ZFPM2: variants seen among roughly 807,000 people sequenced by gnomAD.
The protein encoded by ZFPM2 is zinc finger protein, FOG family member 2.
In ZFPM2, 20 loss-of-function variants were observed where a neutral mutation model predicts 98.6. The observed-to-expected ratio is 0.20, with a 90% CI of 0.14 to 0.29. ZFPM2 has a LOEUF of 0.29. Ranked by LOEUF, ZFPM2 falls within the 10% of genes least tolerant of loss-of-function variation. ZFPM2 has a pLI of 1.00. For synonymous variants in ZFPM2, 518 were observed against 502.7 expected (o/e 1.03, Z -0.41); for missense variants, 1,310 against 1,388.6 (o/e 0.94, Z 0.90).
At chr8:105,555,228 C>G (rs1379751555) in intron 3 of ZFPM2, among the ~76,000 whole-genome samples, 1 of 152,018 alleles carries the variant, frequency 6.6e-6, no homozygotes, top group African/African-American at 2.4e-5. Flanking sequence ...CTATATGCCT[C>G]AAATATTTTC....
intron 4 of ZFPM2, among the ~76,000 whole-genome samples, chr8:105,613,694 C>T (rs766905524): frequency 2.6e-4 from 40 of 152,236 alleles, no homozygotes; most frequent in Non-Finnish European, 2.6e-4. Context: ...TACCAACACT[C>T]ACTAAGATAA....
At chr8:105,373,901 G>T (rs901500880) in intron 1 of ZFPM2, among the ~76,000 whole-genome samples, 2 of 152,070 alleles carry the variant, frequency 1.3e-5, no homozygotes, top group African/African-American at 4.8e-5. Flanking sequence ...TGCATAAAAG[G>T]TCATCTTTGA....
At chr8:105,570,312 TTTTA>T (rs1221490735) in intron 4 of ZFPM2, among the ~76,000 whole-genome samples, 1 of 149,128 alleles carries the variant, frequency 6.7e-6, no homozygotes, top group African/African-American at 2.5e-5. Context: ...TGATTTTTAT[TTTTA>T]TTTATTTTTT....
At chr8:105,786,272 T>G (rs190223236) in intron 5 of ZFPM2, among the ~76,000 whole-genome samples, 5 of 152,270 alleles carry the variant, frequency 3.3e-5, no homozygotes, top group Admixed American at 3.3e-4. Context: ...CTTGTCTAAC[T>G]TCTCCAAGAA....
chr8:105,751,955 A>G (rs1452155776), intron 5 of ZFPM2, among the ~76,000 whole-genome samples: 3 of 152,152 alleles, frequency 2.0e-5, no homozygotes, highest in East Asian at 3.9e-4. Context: ...AGTCGAATCC[A>G]TATTTCTGAA....
intron 5 of ZFPM2, among the ~76,000 whole-genome samples, chr8:105,758,547 G>A (rs1812661499): frequency 1.3e-5 from 2 of 152,002 alleles, no homozygotes; most frequent in Admixed American, 6.6e-5. Flanking sequence ...ATAATGTTCT[G>A]GATACTTCAA....
chr8:105,670,743 T>A (rs1374089453), intron 5 of ZFPM2, among the ~76,000 whole-genome samples: 2 of 152,190 alleles, frequency 1.3e-5, no homozygotes, highest in African/African-American at 4.8e-5. Context: ...TTTTACTTCT[T>A]GGGCAGTTCA....
intron 2 of ZFPM2, among the ~76,000 whole-genome samples, chr8:105,429,069 A>T (rs1811966973): frequency 6.6e-6 from 1 of 152,174 alleles, no homozygotes; most frequent in South Asian, 2.1e-4. Context: ...GATTATTTTT[A>T]ATGATATAAA....
chr8:105,650,016 T>A (rs1043566643), intron 5 of ZFPM2, among the ~76,000 whole-genome samples: 1 of 152,120 alleles, frequency 6.6e-6, no homozygotes, highest in Non-Finnish European at 1.5e-5. Context: ...GGTCCTGGAC[T>A]TTTTTTGGTT....
chr8:105,803,595 T>A lies in ZFPM2; in HGVS notation c.*57T>A. ...GTGTTTAGTATGTTGTTCTAACCAG[T>A]CCAGAAAAAAAAATAAGCTGTTTGA... On this transcript the variant is annotated 3_prime_UTR_variant, in exon 8 of 8. Coordinates refer to ENST00000407775, the MANE Select transcript of ZFPM2 (RefSeq NM_012082.4). 1.3e-6 allele frequency: 2 copies of A among 1,506,212 alleles called. No homozygotes were observed. The highest frequency in any genetic ancestry group is 1.2e-5 in the South Asian group (1 of 81,366). 93.3% of individuals were successfully genotyped at this position (1,506,212 alleles called of 1,614,324 possible). A position where few individuals can be genotyped will look rare whatever the true frequency, so the allele number is the denominator to read the frequency against.
chr8:105,378,579 A>T (rs914847831), intron 1 of ZFPM2, among the ~76,000 whole-genome samples: 6 of 152,160 alleles, frequency 3.9e-5, no homozygotes. Flanking sequence ...CTCGGTAAAT[A>T]TTTATTTTGT....
At chr8:105,429,445 A>AATATATATATATATATATATATAT (rs142230291) in intron 2 of ZFPM2, among the ~76,000 whole-genome samples, 40 of 138,380 alleles carry the variant, frequency 2.9e-4, no homozygotes, top group African/African-American at 1.2e-3. Flanking sequence ...TAGACAAGGA[A>AATATATATATATATATATATATAT]ATATATATAT....
At chr8:105,644,506 T>C (rs544088838) in intron 5 of ZFPM2, among the ~76,000 whole-genome samples, 1 of 151,816 alleles carries the variant, frequency 6.6e-6, no homozygotes, top group South Asian at 2.1e-4. Context: ...CTCTCTCTCT[T>C]TCTGTTTTTC....
chr8:105,616,012 T>A (rs2130807108), intron 4 of ZFPM2, among the ~76,000 whole-genome samples: 1 of 152,224 alleles, frequency 6.6e-6, no homozygotes, highest in East Asian at 1.9e-4. Flanking sequence ...AATAAGTACT[T>A]AAGATTATGG....
chr8:105,702,069 G>C (rs555762474), intron 5 of ZFPM2, among the ~76,000 whole-genome samples: 141 of 152,298 alleles, frequency 9.3e-4, no homozygotes, highest in African/African-American at 3.3e-3. Context: ...CACAGCTGTA[G>C]TATGAATAAA....
intron 4 of ZFPM2, among the ~76,000 whole-genome samples, chr8:105,572,033 CTTTTTTT>C (rs869198147): frequency 8.7e-5 from 9 of 103,370 alleles, no homozygotes; most frequent in East Asian, 3.0e-4. Context: ...GGGTAAATTT[CTTTTTTT>C]TTTTTTTTTT....
chr8:105,723,736 G>A (rs1586221067), intron 5 of ZFPM2, among the ~76,000 whole-genome samples: 1 of 151,744 alleles, frequency 6.6e-6, no homozygotes, highest in South Asian at 2.1e-4. Flanking sequence ...GATCATAAAC[G>A]CGACTGCATT....
At chr8:105,688,511 G>T (rs1810798266) in intron 5 of ZFPM2, among the ~76,000 whole-genome samples, 1 of 152,002 alleles carries the variant, frequency 6.6e-6, no homozygotes, top group Admixed American at 6.6e-5. Context: ...CTTTTGGGTG[G>T]AAGAAATAAA....
intron 4 of ZFPM2, among the ~76,000 whole-genome samples, chr8:105,623,271 A>C (rs940728154): frequency 1.3e-5 from 2 of 152,174 alleles, no homozygotes; most frequent in African/African-American, 4.8e-5. Flanking sequence ...GATATAGTTT[A>C]ATAATTTCAC....
Sources: allele counts gnomAD v4.1 joint callset (sites outside exome capture counted in the v4.1 genomes callset), GRCh38; gene constraint gnomAD v4.1.1; transcripts MANE v1.5; gene names NCBI Gene and HGNC (gene_info 2026-07-23, HGNC 2026-07-21).